NNAT: variants seen among roughly 807,000 people sequenced by gnomAD.
NNAT encodes neuronatin.
Under a neutral mutation model 12.7 loss-of-function variants are expected in NNAT, and 8 were observed. The observed-to-expected ratio is 0.63, with a 90% CI of 0.37 to 1.14. NNAT has a LOEUF of 1.14. NNAT is among the 50% of genes most tolerant of loss of function. The probability of loss-of-function intolerance (pLI) is 0.01; values close to 1 mark genes in which losing one functional copy is unlikely to be tolerated. For synonymous variants in NNAT, 52 were observed against 48.5 expected, an observed-to-expected ratio of 1.07 and a Z score of -0.30; for missense variants, 94 against 108.3, an observed-to-expected ratio of 0.87 and a Z score of 0.59.
Position 37,521,863 on chromosome 20 carries a change from G to T in NNAT, c.72+460G>T, listed in dbSNP as rs1165762553. Among the ~76,000 whole-genome samples the T allele has an allele frequency of 6.7e-6, 1 of 149,520 alleles. No individual in the cohort carries two copies. The highest frequency in any genetic ancestry group is 1.5e-5 in the Non-Finnish European group (1 of 67,516). On this transcript the variant is annotated intron_variant, in intron 1 of 2. Transcript: ENST00000649451. This position sits in a 1 kb window ranked among gnomAD's most constrained non-coding sequence, Gnocchi z 4.5. ...CTTGCGGGGGTGGAACAAAAAATAAGTTAGAAAAAGGCACTTCTCAGAAAA... is the reference window on the plus strand; with the variant it reads ...CTTGCGGGGGTGGAACAAAAAATAATTTAGAAAAAGGCACTTCTCAGAAAA...
chr20:37,522,446 T>G lies in NNAT; in HGVS notation c.153+8T>G, dbSNP rs767184203. On this transcript the variant is annotated splice_region_variant and intron_variant, in intron 2 of 2. Transcript: ENST00000649451. ...CCCATTGCGAGAAGTGAGGTATACC[T>G]AAGTTGTGGGTCCAATCAGCTTGCC... The G allele has an allele frequency of 1.1e-5, 18 of 1,612,258 alleles. No individual in the cohort carries two copies. The East Asian group carries it at 4.0e-4, about 36-fold the overall frequency.
At position 37,522,847 on chromosome 20, in the gene NNAT, TG is replaced by T; in HGVS notation, c.*92del. On this transcript the variant is annotated 3_prime_UTR_variant, in exon 3 of 3. Coordinates refer to ENST00000649451, the MANE Select transcript of NNAT (RefSeq NM_005386.4). ...CGGGAGCCAGTGCCGCGCAGGAATG[TG>T]GGGTCCCCTGTGTTCCCTCGCCAGA... is the stretch of plus-strand genomic sequence containing the variant. The T allele has an allele frequency of 8.1e-7, 1 of 1,241,800 alleles. No individual in the cohort carries two copies. The highest frequency in any genetic ancestry group is 1.1e-6 in the Non-Finnish European group (1 of 900,762). 76.9% of individuals were successfully genotyped at this position (1,241,800 alleles called of 1,614,324 possible).
rs369322138 is a variant in NNAT at position 37,522,196 on chromosome 20, AAT to A, written c.73-160_73-159del. Among the ~76,000 whole-genome samples, 32 of 8,028 alleles carry A rather than the reference AAT, an allele frequency of 4.0e-3. 1 individual carries two copies. Among genetic ancestry groups the A allele is most frequent in the Middle Eastern group, 0.5 (2 of 4 alleles). The allele number at this position is 8,028 out of a possible 152,430, so 5.3% of individuals were successfully genotyped here. ...ATTGCTTTACAAAAAAAAAAATAAT[AAT>A]AAAAAAAATAAAAAAGAGGCAAAAG... On this transcript the variant is annotated intron_variant, in intron 1 of 2. Coordinates refer to ENST00000649451, the MANE Select transcript of NNAT (RefSeq NM_005386.4).
chr20:37,521,294 C>T lies in NNAT; in HGVS notation c.-38C>T, dbSNP rs200330180. 10 of 1,608,466 alleles carry T rather than the reference C, an allele frequency of 6.2e-6. No individual in the cohort carries two copies. In the East Asian group the frequency reaches 2.0e-4, roughly 32 times the overall value. ...TCCGAGACCAGCGGATCTCGGCAAA[C>T]CCTCTTTCTCGACCACCCACCTACC... On this transcript the variant is annotated 5_prime_UTR_variant, in exon 1 of 3. Transcript: ENST00000649451. This position sits in a 1 kb window ranked among gnomAD's most constrained non-coding sequence, Gnocchi z 4.5.
At position 37,521,575 on chromosome 20, in the gene NNAT, C is replaced by G. The variant is rs1414434356; in HGVS notation, c.72+172C>G. 5 of 667,790 alleles carry G rather than the reference C, an allele frequency of 7.5e-6. No homozygotes were observed. The highest frequency in any genetic ancestry group is 2.6e-6 in the Non-Finnish European group (1 of 384,176). The allele number at this position is 667,790 out of a possible 1,614,324, so 41.4% of individuals were successfully genotyped here. On this transcript the variant is annotated intron_variant, in intron 1 of 2. Coordinates refer to ENST00000649451, the MANE Select transcript of NNAT (RefSeq NM_005386.4). This position sits in a 1 kb window ranked among gnomAD's most constrained non-coding sequence, Gnocchi z 4.5. ...CGCGCCCCCTGCCCATTCCCTGCGC[C>G]GTCCTCCTCGCGCTGACCCTCCCTA... is the stretch of plus-strand genomic sequence containing the variant.
Position 37,521,611 on chromosome 20 carries a change from G to T in NNAT, c.72+208G>T, listed in dbSNP as rs1242071208. On this transcript the variant is annotated intron_variant, in intron 1 of 2. Transcript: ENST00000649451. This position sits in a 1 kb window ranked among gnomAD's most constrained non-coding sequence, Gnocchi z 4.5. ...CGCTGACCCTCCCTAGTGCGCCCGC[G>T]CCTGCCAGGGAACAAAGACTCGGGG... 3.5e-6 allele frequency: 2 copies of T among 568,408 alleles called. No individual in the cohort carries two copies. The highest frequency in any genetic ancestry group is 1.9e-5 in the African/African-American group (1 of 52,142). The allele number at this position is 568,408 out of a possible 1,614,324, so 35.2% of individuals were successfully genotyped here.
rs1236029836 is a variant in NNAT, at chr20:37,522,775, C to A, written c.*16C>A. The A allele has an allele frequency of 6.3e-7, 1 of 1,576,920 alleles. No homozygotes were observed. The highest frequency in any genetic ancestry group is 2.3e-5 in the East Asian group (1 of 43,348). ...CCCCAACTGAGGCCCCAGCTCCCAG[C>A]CCTGGGCGGCCGTATCATCAGGTGC... is the stretch of plus-strand genomic sequence containing the variant. On this transcript the variant is annotated 3_prime_UTR_variant, in exon 3 of 3. Coordinates refer to ENST00000649451, the MANE Select transcript of NNAT (RefSeq NM_005386.4).
At chr20:37,522,598 G>GGGCC in intron 2 of NNAT, 69 bp from the exon 3 acceptor site, 2 of 864,392 alleles carry the variant, frequency 2.3e-6, no homozygotes, top group Non-Finnish European at 1.7e-6. Context: ...GCGGGGGTGG[G>GGGCC]CACGGCAGCA....
chr20:37,521,585 G>A lies in NNAT; in HGVS notation c.72+182G>A, dbSNP rs930909973. 2.8e-5 allele frequency: 18 copies of A among 637,016 alleles called. No homozygotes were observed. The highest frequency in any genetic ancestry group is 4.7e-5 in the Non-Finnish European group (17 of 364,692). The allele number at this position is 637,016 out of a possible 1,614,324, so 39.5% of individuals were successfully genotyped here. On this transcript the variant is annotated intron_variant, in intron 1 of 2. Transcript: ENST00000649451. The surrounding 1 kb of genome is among the most constrained non-coding windows in gnomAD (Gnocchi z 4.5). ...GCCCATTCCCTGCGCCGTCCTCCTC[G>A]CGCTGACCCTCCCTAGTGCGCCCGC...
chr20:37,522,519 C>G, intron 2 of NNAT, 81 bp downstream of exon 2: 2 of 1,381,298 alleles, frequency 1.4e-6, no homozygotes, highest in Middle Eastern at 2.7e-4. Flanking sequence ...TGCCCTGACT[C>G]GTGGACAAGC....
Position 37,522,813 on chromosome 20 carries a change from C to T in NNAT, c.*54C>T. The T allele has an allele frequency of 2.0e-6, 3 of 1,479,060 alleles. No individual in the cohort carries two copies. Among genetic ancestry groups the T allele is most frequent in the South Asian group, 2.5e-5 (2 of 80,194 alleles). The allele number at this position is 1,479,060 out of a possible 1,614,324, so 91.6% of individuals were successfully genotyped here. A position where few individuals can be genotyped will look rare whatever the true frequency, so the allele number is the denominator to read the frequency against. ...TATCATCAGGTGCTCCTGTGCATCT[C>T]GGCCAGCACGGGAGCCAGTGCCGCG... On this transcript the variant is annotated 3_prime_UTR_variant, in exon 3 of 3. Transcript: ENST00000649451.
At chr20:37,522,572 C>CGGGGCAGGGGGT in intron 2 of NNAT, 95 bp from the exon 3 acceptor site, 2 of 578,856 alleles carry the variant, frequency 3.5e-6, no homozygotes, top group South Asian at 4.1e-5. Flanking sequence ...GATGGGCGGG[C>CGGGGCAGGGGGT]GGGGCAGGGG....
At position 37,523,646 on chromosome 20, in the gene NNAT, G is replaced by C. The variant is rs1282909985; in HGVS notation, c.*887G>C. The C allele has an allele frequency of 1.3e-5, 2 of 152,648 alleles. No individual in the cohort carries two copies. Among genetic ancestry groups the C allele is most frequent in the African/African-American group, 4.8e-5 (2 of 41,416 alleles). The allele number at this position is 152,648 out of a possible 1,614,324, so 9.5% of individuals were successfully genotyped here. On this transcript the variant is annotated 3_prime_UTR_variant, in exon 3 of 3. Coordinates refer to ENST00000649451, the MANE Select transcript of NNAT (RefSeq NM_005386.4). ...ATAAAAAAAGTACCTCCCCTGTCTC[G>C]CACAGTGTCCCAGGACCCTGCGGTG... is the stretch of plus-strand genomic sequence containing the variant.
In NNAT at chr20:37,523,536, T is replaced by A. The variant is rs2071663509; in HGVS notation, c.*777T>A. On this transcript the variant is annotated 3_prime_UTR_variant, in exon 3 of 3. Transcript: ENST00000649451. ...GGTCAATATTGTGGTAATCGCTAAT[T>A]GTACTGATTGTTTAAGTGTGCATTA... 1 of 152,628 alleles carries A rather than the reference T, an allele frequency of 6.6e-6. No individual in the cohort carries two copies. Among genetic ancestry groups the A allele is most frequent in the Non-Finnish European group, 1.5e-5 (1 of 68,040 alleles). 9.5% of individuals were successfully genotyped at this position (152,628 alleles called of 1,614,324 possible).
chr20:37,521,274 G>C lies in NNAT; in HGVS notation c.-58G>C. The C allele has an allele frequency of 6.3e-7, 1 of 1,578,310 alleles. No individual in the cohort carries two copies. The highest frequency in any genetic ancestry group is 8.7e-7 in the Non-Finnish European group (1 of 1,147,874). On this transcript the variant is annotated 5_prime_UTR_variant, in exon 1 of 3. Coordinates refer to ENST00000649451, the MANE Select transcript of NNAT (RefSeq NM_005386.4). The surrounding 1 kb of genome is among the most constrained non-coding windows in gnomAD (Gnocchi z 4.5). ...CAGTGCGCCCAACAGCGGACTCCGA[G>C]ACCAGCGGATCTCGGCAAACCCTCT...
rs1280392436 is a variant in NNAT at position 37,521,490 on chromosome 20, G to A, written c.72+87G>A. On this transcript the variant is annotated intron_variant, in intron 1 of 2. Transcript: ENST00000649451. The surrounding 1 kb of genome is among the most constrained non-coding windows in gnomAD (Gnocchi z 4.5). ...GACTGCGTCGCGATTGCCGCTTCCCGGACCCGTCCTATTCCGATTGCCGCG... is the reference window on the plus strand; with the variant it reads ...GACTGCGTCGCGATTGCCGCTTCCCAGACCCGTCCTATTCCGATTGCCGCG... The A allele has an allele frequency of 1.0e-5, 14 of 1,335,766 alleles. No homozygotes were observed. The East Asian group carries it at 1.8e-4, about 18-fold the overall frequency. The allele number at this position is 1,335,766 out of a possible 1,614,324, so 82.7% of individuals were successfully genotyped here. A position where few individuals can be genotyped will look rare whatever the true frequency, so the allele number is the denominator to read the frequency against.
chr20:37,522,787 G>A lies in NNAT; in HGVS notation c.*28G>A, dbSNP rs992145446. 19 of 1,552,148 alleles carry A rather than the reference G, an allele frequency of 1.2e-5. No homozygotes were observed. The highest frequency in any genetic ancestry group is 1.7e-5 in the Non-Finnish European group (19 of 1,146,536). Reference sequence around the variant, plus strand: ...CCCCAGCTCCCAGCCCTGGGCGGCCGTATCATCAGGTGCTCCTGTGCATCT... The same window carrying A: ...CCCCAGCTCCCAGCCCTGGGCGGCCATATCATCAGGTGCTCCTGTGCATCT... On this transcript the variant is annotated 3_prime_UTR_variant, in exon 3 of 3. Coordinates refer to ENST00000649451, the MANE Select transcript of NNAT (RefSeq NM_005386.4).
At chr20:37,522,224 C>T (rs1452255425) in intron 1 of NNAT, 134 bp from the exon 2 acceptor site, 22 of 428,508 alleles carry the variant, frequency 5.1e-5, no homozygotes, top group Non-Finnish European at 7.2e-5. Flanking sequence ...GAGGCAAAAG[C>T]GCTTGGTGTA....
chr20:37,521,304 C>T lies in NNAT; in HGVS notation c.-28C>T. 1 of 1,612,036 alleles carries T rather than the reference C, an allele frequency of 6.2e-7. No homozygotes were observed. Among genetic ancestry groups the T allele is most frequent in the Middle Eastern group, 1.7e-4 (1 of 6,056 alleles). ...GCGGATCTCGGCAAACCCTCTTTCTCGACCACCCACCTACCATTCTTGGAA... is the reference window on the plus strand; with the variant it reads ...GCGGATCTCGGCAAACCCTCTTTCTTGACCACCCACCTACCATTCTTGGAA... On this transcript the variant is annotated 5_prime_UTR_variant, in exon 1 of 3. Transcript: ENST00000649451. This position sits in a 1 kb window ranked among gnomAD's most constrained non-coding sequence, Gnocchi z 4.5.
Sources: gnomAD v4.1 joint callset for allele counts (sites outside exome capture counted in the v4.1 genomes callset) on GRCh38, gnomAD v4.1.1 for gene constraint, Gnocchi (gnomAD v3.1) non-coding constraint, MANE v1.5 for transcripts, NCBI Gene and HGNC (gene_info 2026-07-23, HGNC 2026-07-21) for gene names.